The following PTPRM variants were observed in gnomAD, a reference collection of about 807,000 sequenced individuals.
PTPRM encodes the protein protein tyrosine phosphatase receptor type M, also known as receptor-type tyrosine-protein phosphatase mu.
In PTPRM, 47 loss-of-function variants were observed where a neutral mutation model predicts 186.7. The observed-to-expected ratio is 0.25, with a 90% CI of 0.20 to 0.32. The LOEUF (loss-of-function observed/expected upper bound fraction) is 0.32, where lower values mean the gene tolerates loss of function less well. Among genes scored for constraint, PTPRM ranks in the 10% least tolerant of loss-of-function variants. PTPRM has a pLI of 1.00. For synonymous variants in PTPRM, 668 were observed against 674.9 expected (o/e 0.99, Z 0.16); for missense variants, 1,494 against 1,865.0 (o/e 0.80, Z 3.66).
At chr18:7,971,122 A>G (rs2054502785) in intron 7 of PTPRM, among the ~76,000 whole-genome samples, 1 of 48,144 alleles carries the variant, frequency 2.1e-5, no homozygotes, top group Non-Finnish European at 4.2e-5. Flanking sequence ...ATATAGATCA[A>G]TGGAACAGAA....
intron 14 of PTPRM, among the ~76,000 whole-genome samples, chr18:8,153,716 G>A (rs922711046): frequency 6.6e-6 from 1 of 152,168 alleles, no homozygotes; most frequent in African/African-American, 2.4e-5. Flanking sequence ...AATTTGAAAG[G>A]TAGTGTTTTT....
chr18:8,336,967 G>A (rs1355382710), intron 22 of PTPRM, among the ~76,000 whole-genome samples: 1 of 151,516 alleles, frequency 6.6e-6, no homozygotes, highest in Admixed American at 6.6e-5. Context: ...CAGAGCAATC[G>A]TCAAAAAAAT....
chr18:8,036,004 G>A (rs2086302659), intron 7 of PTPRM, among the ~76,000 whole-genome samples: 1 of 152,130 alleles, frequency 6.6e-6, no homozygotes, highest in Non-Finnish European at 1.5e-5. Flanking sequence ...TAAGAATGAG[G>A]TGTCAAAATG....
At chr18:7,854,109 C>G (rs187295458) in intron 2 of PTPRM, among the ~76,000 whole-genome samples, 1 of 152,002 alleles carries the variant, frequency 6.6e-6, no homozygotes, top group Admixed American at 6.6e-5. Flanking sequence ...TTTTTATGTA[C>G]CATAAGAGAA....
chr18:8,078,136 G>A (rs141455668), intron 9 of PTPRM, among the ~76,000 whole-genome samples: 8 of 152,280 alleles, frequency 5.3e-5, no homozygotes, highest in African/African-American at 1.7e-4. Flanking sequence ...AAGCTTTCTG[G>A]CCAACAAGTC....
At chr18:7,966,112 A>G (rs916742676) in intron 7 of PTPRM, among the ~76,000 whole-genome samples, 18 of 152,242 alleles carry the variant, frequency 1.2e-4, no homozygotes, top group African/African-American at 4.3e-4. Flanking sequence ...AATATAAATA[A>G]CTGGTAATTA....
chr18:8,208,353 A>G (rs530160952), intron 14 of PTPRM, among the ~76,000 whole-genome samples: 3 of 152,378 alleles, frequency 2.0e-5, no homozygotes, highest in African/African-American at 7.2e-5. Flanking sequence ...TTTGGAGAAC[A>G]AAATTAACAA....
At chr18:8,107,733 A>T (rs556047217) in intron 11 of PTPRM, among the ~76,000 whole-genome samples, 11 of 152,346 alleles carry the variant, frequency 7.2e-5, no homozygotes, top group African/African-American at 2.6e-4. Context: ...AATATAGAAT[A>T]TTCAGCCCCA....
At chr18:8,400,150 C>A (rs1472522314) in intron 32 of PTPRM, among the ~76,000 whole-genome samples, 6 of 152,208 alleles carry the variant, frequency 3.9e-5, no homozygotes, top group Non-Finnish European at 8.8e-5. Context: ...ACAGCCCCGT[C>A]CACCATCACG....
chr18:8,166,567 A>G (rs2093327332), intron 14 of PTPRM, among the ~76,000 whole-genome samples: 1 of 152,250 alleles, frequency 6.6e-6, no homozygotes, highest in Non-Finnish European at 1.5e-5. Context: ...ACATCCATGA[A>G]CAAATGTCTT....
chr18:7,803,138 T>C (rs139347319), intron 2 of PTPRM, among the ~76,000 whole-genome samples: 7 of 152,336 alleles, frequency 4.6e-5, no homozygotes, highest in Non-Finnish European at 1.0e-4. Flanking sequence ...ATTGCTGTTG[T>C]AACAAGTTAC....
At chr18:7,726,765 G>T (rs1182801360) in intron 1 of PTPRM, among the ~76,000 whole-genome samples, 1 of 152,244 alleles carries the variant, frequency 6.6e-6, no homozygotes, top group Admixed American at 6.5e-5. Context: ...TACATTGAGG[G>T]TATCAGTTCC....
chr18:8,337,564 A>G (rs1234208906), intron 22 of PTPRM, among the ~76,000 whole-genome samples: 1 of 152,212 alleles, frequency 6.6e-6, no homozygotes, highest in Admixed American at 6.5e-5. Context: ...TAAACGAACA[A>G]AGCAAGTTAG....
intron 1 of PTPRM, among the ~76,000 whole-genome samples, chr18:7,768,956 A>G (rs1018098856): frequency 6.6e-6 from 1 of 151,962 alleles, no homozygotes; most frequent in Non-Finnish European, 1.5e-5. Context: ...CATAAAGATA[A>G]TTTTAAAGCA....
At position 8,143,664 on chromosome 18, in the gene PTPRM, C is replaced by A. The variant is rs1247471646; in HGVS notation, c.2185C>A (p.Pro729Thr). ...VATKGAATPK[P>T]VPEPEKQTDH... ...ATCTTCAGGAGCTGCCACTCCGAAA[C>A]CAGTCCCAGAACCCGAGAAACAGAC... Residue 729 changes from proline (P) to threonine (T), a missense_variant, in exon 14 of 33, where the codon CCA becomes ACA. Pro to Thr is a conservative substitution (Grantham distance 38, BLOSUM62 -1). Coordinates refer to ENST00000580170, the MANE Select transcript of PTPRM (RefSeq NM_001105244.2). 1 of 1,602,266 alleles carries A rather than the reference C, an allele frequency of 6.2e-7. No homozygotes were observed. Among genetic ancestry groups the A allele is most frequent in the Non-Finnish European group, 8.6e-7 (1 of 1,169,204 alleles).
intron 19 of PTPRM, among the ~76,000 whole-genome samples, chr18:8,293,405 C>T (rs1012348786): frequency 6.6e-6 from 1 of 152,190 alleles, no homozygotes; most frequent in Non-Finnish European, 1.5e-5. Context: ...GGCAGGGACC[C>T]TCATGTGGCT....
intron 5 of PTPRM, among the ~76,000 whole-genome samples, chr18:7,933,186 G>T (rs1419321168): frequency 6.6e-6 from 1 of 152,196 alleles, no homozygotes; most frequent in African/African-American, 2.4e-5. Context: ...TTGCCCCAAA[G>T]CACAGGAGTA....
At chr18:8,197,161 T>A (rs1411050391) in intron 14 of PTPRM, among the ~76,000 whole-genome samples, 1 of 152,220 alleles carries the variant, frequency 6.6e-6, no homozygotes, top group African/African-American at 2.4e-5. Context: ...TTAAATAACA[T>A]TATAGTCATG....
At chr18:7,914,313 C>T (rs927274859) in intron 4 of PTPRM, among the ~76,000 whole-genome samples, 1 of 152,072 alleles carries the variant, frequency 6.6e-6, no homozygotes, top group African/African-American at 2.4e-5. Context: ...TATGTAGTGG[C>T]TACCTTAGTT....
Sources: gnomAD v4.1 joint callset for allele counts (sites outside exome capture counted in the v4.1 genomes callset) on GRCh38, gnomAD v4.1.1 for gene constraint, MANE v1.5 for transcripts, NCBI Gene and HGNC (gene_info 2026-07-23, HGNC 2026-07-21) for gene names.